CSNK1G1: variants seen among roughly 807,000 people sequenced by gnomAD.
The protein encoded by CSNK1G1 is casein kinase 1 gamma 1.
Under a neutral mutation model 59.6 loss-of-function variants are expected in CSNK1G1, and 22 were observed. That is an observed-to-expected ratio of 0.37 (90% CI 0.26 to 0.53). The LOEUF is 0.53. Ranked by LOEUF, CSNK1G1 falls within the 20% of genes least tolerant of loss-of-function variation. The pLI, the probability that CSNK1G1 is intolerant of heterozygous loss-of-function variation, is 0.89. For synonymous variants in CSNK1G1, 179 were observed against 177.1 expected (o/e 1.01, Z -0.08); for missense variants, 384 against 519.5 (o/e 0.74, Z 2.54).
chr15:64,299,484 T>C (rs1018213150), intron 2 of CSNK1G1, among the ~76,000 whole-genome samples: 2 of 151,376 alleles, frequency 1.3e-5, no homozygotes, highest in African/African-American at 2.4e-5. Flanking sequence ...CCCAGCTACT[T>C]GGGAGGTTGA....
chr15:64,268,236 C>A (rs1010554685), intron 2 of CSNK1G1, among the ~76,000 whole-genome samples: 3 of 152,046 alleles, frequency 2.0e-5, no homozygotes, highest in Admixed American at 1.3e-4. Context: ...AAACACAAAT[C>A]CTGCATCATC....
intron 7 of CSNK1G1, among the ~76,000 whole-genome samples, chr15:64,207,292 G>A (rs977215412): frequency 4.6e-5 from 7 of 152,128 alleles, no homozygotes; most frequent in Admixed American, 3.3e-4. Flanking sequence ...ATTTGTTTAT[G>A]TTTAAATAGA....
rs780718155 is a variant in CSNK1G1 at position 64,216,707 on chromosome 15, C to T, written c.299G>A (p.Gly100Asp). Residue 100 changes from glycine (G) to aspartate (D), a missense_variant, in exon 5 of 12, where the codon GGT (glycine) becomes GAT (aspartate). This residue lies in a region of CSNK1G1 where 325 missense variants were observed against 440.9 expected (regional missense o/e 0.74). Transcript: ENST00000303052. The surrounding 1 kb of genome is among the most constrained non-coding windows in gnomAD (Gnocchi z 4.6). ...TCCAAAGTAATACACCTGTGGGAGA[C>T]CTTCACCTGAAAGCAGAGGGGAAAT... ...FYKQLGSAGEGLPQVYYFGPC... is the reference protein window; with the variant it reads ...FYKQLGSAGEDLPQVYYFGPC... The T allele has an allele frequency of 3.1e-6, 5 of 1,613,704 alleles. No homozygotes were observed. The highest frequency in any genetic ancestry group is 3.3e-5 in the Admixed American group (2 of 59,976).
At chr15:64,187,702 G>T (rs753169151) in intron 10 of CSNK1G1, among the ~76,000 whole-genome samples, 1 of 152,196 alleles carries the variant, frequency 6.6e-6, no homozygotes, top group African/African-American at 2.4e-5. Context: ...AGTTCACTGT[G>T]TGTCCCAACT....
In CSNK1G1 at chr15:64,191,253, G is replaced by A. The variant is rs187923194; in HGVS notation, c.1108-10799C>T. 3.0e-4 allele frequency among the ~76,000 whole-genome samples: 45 copies of A among 152,034 alleles called. 1 individual carries two copies. The highest frequency in any genetic ancestry group is 1.9e-3 in the Admixed American group (29 of 15,266). On this transcript the variant is annotated intron_variant, in intron 10 of 11. Transcript: ENST00000303052. ...TTTTTTATATTTTTAGTAGAGACGC[G>A]GTTTCCCTGTGTTAGCTAGGATGGT...
intron 10 of CSNK1G1, among the ~76,000 whole-genome samples, chr15:64,192,361 G>A (rs190512473): frequency 5.8e-4 from 89 of 152,262 alleles, no homozygotes; most frequent in Admixed American, 9.8e-4. Context: ...ATTTTCAGTC[G>A]TGATTGCATC....
At chr15:64,296,103 A>G (rs886622892) in intron 2 of CSNK1G1, among the ~76,000 whole-genome samples, 2 of 152,044 alleles carry the variant, frequency 1.3e-5, no homozygotes, top group Non-Finnish European at 1.5e-5. Flanking sequence ...TTCTCTGCCA[A>G]TGTAGTTTCC....
chr15:64,288,995 C>T (rs1421434085), intron 2 of CSNK1G1, among the ~76,000 whole-genome samples: 1 of 151,632 alleles, frequency 6.6e-6, no homozygotes, highest in South Asian at 2.1e-4. Context: ...ACCAACATGG[C>T]GAAACCCCAT....
intron 4 of CSNK1G1, among the ~76,000 whole-genome samples, chr15:64,250,722 G>A (rs1220305030): frequency 1.3e-5 from 2 of 152,022 alleles, no homozygotes; most frequent in Non-Finnish European, 2.9e-5. Flanking sequence ...TCCAGTCTGG[G>A]TGATGGGAGT....
At chr15:64,281,505 G>T (rs1894131824) in intron 2 of CSNK1G1, among the ~76,000 whole-genome samples, 1 of 152,100 alleles carries the variant, frequency 6.6e-6, no homozygotes, top group Non-Finnish European at 1.5e-5. Flanking sequence ...GGGAAAGTAG[G>T]AGTTGTTTAA....
intron 2 of CSNK1G1, among the ~76,000 whole-genome samples, chr15:64,297,312 T>C (rs1159373667): frequency 2.6e-5 from 4 of 151,964 alleles, no homozygotes; most frequent in African/African-American, 9.7e-5. Context: ...AGGTAAGACA[T>C]AAGCTGAGGC....
At chr15:64,175,989 T>A (rs1487663519) in intron 11 of CSNK1G1, among the ~76,000 whole-genome samples, 2 of 152,260 alleles carry the variant, frequency 1.3e-5, no homozygotes, top group African/African-American at 4.8e-5. Context: ...GAAAATTTAC[T>A]CAGCTAAAAA....
rs1043117362 is a variant in CSNK1G1 at position 64,200,649 on chromosome 15, T to C, written c.1107+2433A>G. ...GCGTGAGCCACTGCGCCTGGCCGCA[T>C]TATAGAGTAATAAAACTTCATTTAA... On this transcript the variant is annotated intron_variant, in intron 10 of 11. Coordinates refer to ENST00000303052, the MANE Select transcript of CSNK1G1 (RefSeq NM_022048.5). This position sits in a 1 kb window ranked among gnomAD's most constrained non-coding sequence, Gnocchi z 4.3. 1.3e-5 allele frequency among the ~76,000 whole-genome samples: 2 copies of C among 152,124 alleles called. No homozygotes were observed. Among genetic ancestry groups the C allele is most frequent in the Non-Finnish European group, 2.9e-5 (2 of 68,008 alleles).
chr15:64,254,338 C>G lies in CSNK1G1; in HGVS notation c.223-2757G>C, dbSNP rs1340894247. Reference sequence around the variant, plus strand: ...ATGGTTGTACACCAATGTAAATGTACTTAATGCCATTGAACTTTTTTTTTT... The same window carrying G: ...ATGGTTGTACACCAATGTAAATGTAGTTAATGCCATTGAACTTTTTTTTTT... On this transcript the variant is annotated intron_variant, in intron 3 of 11. Coordinates refer to ENST00000303052, the MANE Select transcript of CSNK1G1 (RefSeq NM_022048.5). Among the ~76,000 whole-genome samples, 3 of 149,340 alleles carry G rather than the reference C, an allele frequency of 2.0e-5. No homozygotes were observed. The East Asian group carries it at 5.8e-4, about 29-fold the overall frequency.
intron 4 of CSNK1G1, among the ~76,000 whole-genome samples, chr15:64,219,552 G>A (rs1446285101): frequency 6.6e-6 from 1 of 151,984 alleles, no homozygotes; most frequent in Non-Finnish European, 1.5e-5. Context: ...TCGACCTCCT[G>A]GGACCAAGCA....
intron 2 of CSNK1G1, among the ~76,000 whole-genome samples, chr15:64,288,338 G>A (rs1244328717): frequency 1.3e-5 from 2 of 152,030 alleles, no homozygotes; most frequent in Middle Eastern, 3.2e-3. Context: ...AGGTATGTAC[G>A]TCATTAGGGA....
chr15:64,200,860 A>G lies in CSNK1G1; in HGVS notation c.1107+2222T>C, dbSNP rs1047480507. ...ATAGGTGGATAGGCAGATCATTTCTATATCTCTGCTACCAATGACAATGCA... is the reference window on the plus strand; with the variant it reads ...ATAGGTGGATAGGCAGATCATTTCTGTATCTCTGCTACCAATGACAATGCA... On this transcript the variant is annotated intron_variant, in intron 10 of 11. Transcript: ENST00000303052. The surrounding 1 kb of genome is among the most constrained non-coding windows in gnomAD (Gnocchi z 4.3). Among the ~76,000 whole-genome samples the G allele has an allele frequency of 6.6e-6, 1 of 152,226 alleles. No homozygotes were observed. Among genetic ancestry groups the G allele is most frequent in the African/African-American group, 2.4e-5 (1 of 41,462 alleles).
intron 1 of CSNK1G1, among the ~76,000 whole-genome samples, chr15:64,333,342 G>A (rs1219320439): frequency 7.7e-6 from 1 of 130,568 alleles, no homozygotes; most frequent in Non-Finnish European, 1.6e-5. Context: ...GCTCATGCCT[G>A]TAATCCCAGC....
rs1277184038 is a variant in CSNK1G1, at chr15:64,214,872, T to G, written c.445-748A>C. 1.3e-5 allele frequency among the ~76,000 whole-genome samples: 2 copies of G among 151,588 alleles called. No homozygotes were observed. Among genetic ancestry groups the G allele is most frequent in the East Asian group, 3.9e-4 (2 of 5,154 alleles). On this transcript the variant is annotated intron_variant, in intron 5 of 11. Transcript: ENST00000303052. This position sits in a 1 kb window ranked among gnomAD's most constrained non-coding sequence, Gnocchi z 4.3. ...CACACTGGTCTCAAACTCCTGACCT[T>G]GGGTGATCCGTCCTCCTCGGCCTCC...
Sources: gnomAD v4.1 joint callset for allele counts (sites outside exome capture counted in the v4.1 genomes callset) on GRCh38, gnomAD v4.1.1 for gene constraint, gnomAD v4.1.1 regional missense constraint, Gnocchi (gnomAD v3.1) non-coding constraint, MANE v1.5 for transcripts, NCBI Gene and HGNC (gene_info 2026-07-23, HGNC 2026-07-21) for gene names.